The following DSCAML1 variants were observed in gnomAD, a reference collection of about 807,000 sequenced individuals.
DSCAML1 encodes the protein cell adhesion molecule DSCAML1.
DSCAML1 carries 38 observed loss-of-function variants against 200.5 expected under a neutral mutation model. The observed-to-expected ratio is 0.19, with a 90% CI of 0.15 to 0.25. The LOEUF (loss-of-function observed/expected upper bound fraction) is 0.25. Ranked by LOEUF, DSCAML1 falls within the 10% of genes least tolerant of loss-of-function variation. The pLI is 1.00. For synonymous variants in DSCAML1, 1,215 were observed against 1,165.0 expected (o/e 1.04, Z -0.87); for missense variants, 2,223 against 2,858.8 (o/e 0.78, Z 5.07).
intron 3 of DSCAML1, among the ~76,000 whole-genome samples, chr11:117,691,526 A>G (rs2053493593): frequency 6.6e-6 from 1 of 152,118 alleles, no homozygotes; most frequent in African/African-American, 2.4e-5. Flanking sequence ...TCTCTTCCCC[A>G]TTATGGGCTT....
chr11:117,729,818 A>C (rs1428656380), intron 3 of DSCAML1, among the ~76,000 whole-genome samples: 1 of 152,196 alleles, frequency 6.6e-6, no homozygotes, highest in Non-Finnish European at 1.5e-5. Context: ...TTATCTGGCA[A>C]AAGGAATGCT....
chr11:117,566,415 A>G (rs1190788584), intron 3 of DSCAML1, among the ~76,000 whole-genome samples: 1 of 144,122 alleles, frequency 6.9e-6, no homozygotes, highest in Non-Finnish European at 1.5e-5. Flanking sequence ...TGGTGCAATC[A>G]CCGCTCACTG....
chr11:117,453,680 C>A (rs1052762981), intron 19 of DSCAML1, among the ~76,000 whole-genome samples: 12 of 151,688 alleles, frequency 7.9e-5, no homozygotes, highest in African/African-American at 2.9e-4. Context: ...TTTAAGATCT[C>A]TCTCTCTTTT....
At chr11:117,492,156 G>T (rs1414244096) in intron 11 of DSCAML1, among the ~76,000 whole-genome samples, 2 of 152,170 alleles carry the variant, frequency 1.3e-5, no homozygotes, top group Non-Finnish European at 2.9e-5. Flanking sequence ...GTTTGGAGAA[G>T]AACCCCAGGG....
chr11:117,505,143 C>T lies in DSCAML1; in HGVS notation c.2063-100G>A. 6.6e-7 allele frequency: 1 copy of T among 1,505,718 alleles called. No homozygotes were observed. Among genetic ancestry groups the T allele is most frequent in the Non-Finnish European group, 8.9e-7 (1 of 1,120,308 alleles). 93.3% of individuals were successfully genotyped at this position (1,505,718 alleles called of 1,614,324 possible). On this transcript the variant is annotated intron_variant, in intron 9 of 32. Coordinates refer to ENST00000651296, the MANE Select transcript of DSCAML1 (RefSeq NM_020693.4). This position sits in a 1 kb window ranked among gnomAD's most constrained non-coding sequence, Gnocchi z 6.7. ...TGTTTGAGGTCAGCCCTGCCCGGGC[C>T]ATTATAAAGTTGGAAGCGGGCAGTT...
chr11:117,720,455 GCCCCAGCCTC>G (rs2054024207), intron 3 of DSCAML1, among the ~76,000 whole-genome samples: 1 of 151,986 alleles, frequency 6.6e-6, no homozygotes, highest in African/African-American at 2.4e-5. Flanking sequence ...TGAGAGGCGA[GCCCCAGCCTC>G]CCGGCCTTTG....
intron 20 of DSCAML1, among the ~76,000 whole-genome samples, chr11:117,448,638 T>TG (rs57770908): frequency 0.25 from 33,377 of 134,850 alleles, 4,244 homozygotes; most frequent in South Asian, 0.38. Context: ...TGTGTGTGTG[T>TG]GGGGGGTGGG....
chr11:117,649,106 C>T (rs1401583328), intron 3 of DSCAML1, among the ~76,000 whole-genome samples: 1 of 149,032 alleles, frequency 6.7e-6, no homozygotes, highest in Non-Finnish European at 1.5e-5. Context: ...GACAGAATTT[C>T]GCTCTTGTCA....
intron 3 of DSCAML1, among the ~76,000 whole-genome samples, chr11:117,747,916 G>A (rs568922492): frequency 6.6e-6 from 1 of 152,120 alleles, no homozygotes; most frequent in East Asian, 1.9e-4. Context: ...ACTTTACCAG[G>A]AAAGGAGCCC....
chr11:117,787,712 A>G (rs921708815), intron 1 of DSCAML1, among the ~76,000 whole-genome samples: 2 of 152,232 alleles, frequency 1.3e-5, no homozygotes, highest in African/African-American at 4.8e-5. Flanking sequence ...TTTGGAGATC[A>G]AGATAAGAAA....
At chr11:117,663,374 A>T (rs2052903108) in intron 3 of DSCAML1, among the ~76,000 whole-genome samples, 1 of 152,030 alleles carries the variant, frequency 6.6e-6, no homozygotes. Context: ...CCTGGCGCCC[A>T]GGACTCTGAG....
At chr11:117,485,537 C>T (rs2049029462) in intron 11 of DSCAML1, among the ~76,000 whole-genome samples, 1 of 152,212 alleles carries the variant, frequency 6.6e-6, no homozygotes, top group African/African-American at 2.4e-5. Context: ...CCTTCCACCC[C>T]TTAAAGCTAA....
intron 2 of DSCAML1, among the ~76,000 whole-genome samples, chr11:117,778,638 A>G (rs114451047): frequency 3.0e-4 from 46 of 152,376 alleles, no homozygotes; most frequent in African/African-American, 1.1e-3. Context: ...CCCTTGGGCA[A>G]GTGACTTAAC....
intron 6 of DSCAML1, among the ~76,000 whole-genome samples, chr11:117,519,885 G>A (rs1390056927): frequency 2.6e-5 from 4 of 152,204 alleles, no homozygotes; most frequent in Non-Finnish European, 4.4e-5. Flanking sequence ...TGAGGAATGA[G>A]GGCTTAGGTT....
chr11:117,718,191 C>G (rs1320361616), intron 3 of DSCAML1, among the ~76,000 whole-genome samples: 3 of 152,246 alleles, frequency 2.0e-5, no homozygotes, highest in Non-Finnish European at 2.9e-5. Context: ...CGCGCCGGCT[C>G]CAGCCTCTCT....
intron 11 of DSCAML1, among the ~76,000 whole-genome samples, chr11:117,494,934 C>T (rs1003653176): frequency 2.6e-5 from 4 of 152,192 alleles, no homozygotes; most frequent in Non-Finnish European, 4.4e-5. Context: ...GCACATGGGC[C>T]TGCCAATACC....
chr11:117,647,323 T>C (rs626571), intron 3 of DSCAML1, among the ~76,000 whole-genome samples: 48,405 of 152,104 alleles, frequency 0.32, 7,923 homozygotes, highest in East Asian at 0.4. Context: ...GTCAGGCTAA[T>C]GAGCCAGGTG....
intron 3 of DSCAML1, among the ~76,000 whole-genome samples, chr11:117,542,420 G>T (rs560496170): frequency 1.3e-5 from 2 of 152,308 alleles, no homozygotes; most frequent in South Asian, 4.1e-4. Context: ...GACTCAAGCT[G>T]CCTTGGGTGG....
At chr11:117,788,631 C>T (rs920197418) in intron 1 of DSCAML1, among the ~76,000 whole-genome samples, 17 of 152,186 alleles carry the variant, frequency 1.1e-4, no homozygotes, top group African/African-American at 3.9e-4. Context: ...CCAGCCCCAT[C>T]ATTTCTTTGT....
Sources: allele counts gnomAD v4.1 joint callset (sites outside exome capture counted in the v4.1 genomes callset), GRCh38; gene constraint gnomAD v4.1.1; non-coding constraint Gnocchi (gnomAD v3.1); transcripts MANE v1.5; gene names NCBI Gene and HGNC (gene_info 2026-07-23, HGNC 2026-07-21).